Variants in TRAPPC12 observed in about 807,000 individuals in gnomAD.
The protein encoded by TRAPPC12 is TPR repeat protein 15.
A neutral mutation model predicts 69.2 loss-of-function variants in TRAPPC12; 61 were observed. The observed-to-expected ratio is 0.88, with a 90% CI of 0.72 to 1.09. TRAPPC12 has a LOEUF of 1.09. TRAPPC12 is among the 50% of genes least tolerant of loss of function. The pLI, the probability that TRAPPC12 is intolerant of heterozygous loss-of-function variation, is 0.00. For synonymous variants in TRAPPC12, 469 were observed against 438.9 expected (o/e 1.07, Z -0.86); for missense variants, 1,101 against 1,016.4 (o/e 1.08, Z -1.13).
At chr2:3,435,316 GT>G (rs753179934) in intron 5 of TRAPPC12, among the ~76,000 whole-genome samples, 1 of 152,174 alleles carries the variant, frequency 6.6e-6, no homozygotes, top group Non-Finnish European at 1.5e-5. Flanking sequence ...GCCCAGCTGA[GT>G]TACTGTTAAC....
At chr2:3,451,359 G>A (rs949446532) in intron 6 of TRAPPC12, among the ~76,000 whole-genome samples, 5 of 152,182 alleles carry the variant, frequency 3.3e-5, no homozygotes, top group African/African-American at 1.2e-4. Context: ...AGCAGTCTGA[G>A]TCTGGAATCG....
intron 9 of TRAPPC12, among the ~76,000 whole-genome samples, chr2:3,468,690 AC>A (rs1294334012): frequency 6.6e-6 from 1 of 152,028 alleles, no homozygotes; most frequent in Non-Finnish European, 1.5e-5. Context: ...CGGGGCAGCC[AC>A]CCCATAGAGT....
intron 7 of TRAPPC12, among the ~76,000 whole-genome samples, chr2:3,459,759 G>A (rs530525753): frequency 3.7e-4 from 56 of 152,344 alleles, no homozygotes; most frequent in African/African-American, 1.3e-3. Context: ...ACTCCTTGGG[G>A]GAACCGGCGT....
intron 8 of TRAPPC12, among the ~76,000 whole-genome samples, chr2:3,462,516 A>G (rs533017271): frequency 3.1e-4 from 47 of 152,352 alleles, no homozygotes; most frequent in African/African-American, 1.1e-3. Flanking sequence ...TGGGCTAACA[A>G]TGAGTTATTT....
intron 5 of TRAPPC12, among the ~76,000 whole-genome samples, chr2:3,428,512 T>C (rs1157786304): frequency 6.6e-6 from 1 of 152,246 alleles, no homozygotes; most frequent in Non-Finnish European, 1.5e-5. Flanking sequence ...CATGTAAATA[T>C]TGGGCGTAAT....
chr2:3,449,497 A>C (rs1558392068), intron 6 of TRAPPC12: 1 of 152,170 alleles, frequency 6.6e-6, no homozygotes, highest in East Asian at 1.9e-4. Context: ...ATTTTCGTGC[A>C]CTCCGGAAAA....
At chr2:3,435,432 G>A (rs902416712) in intron 5 of TRAPPC12, among the ~76,000 whole-genome samples, 1 of 152,106 alleles carries the variant, frequency 6.6e-6, no homozygotes, top group Non-Finnish European at 1.5e-5. Context: ...CTACATTAGC[G>A]CTAGTTTTAA....
At chr2:3,417,327 C>T (rs1662472428) in intron 3 of TRAPPC12, among the ~76,000 whole-genome samples, 1 of 152,048 alleles carries the variant, frequency 6.6e-6, no homozygotes, top group Non-Finnish European at 1.5e-5. Flanking sequence ...AGCCACGGCT[C>T]CCCCCACCGC....
In TRAPPC12 at chr2:3,446,249, T is replaced by C. The variant is rs556654915; in HGVS notation, c.1530+2358T>C. Among the ~76,000 whole-genome samples the C allele has an allele frequency of 1.6e-3, 238 of 152,330 alleles. 1 individual carries two copies. Among genetic ancestry groups the C allele is most frequent in the South Asian group, 2.7e-3 (13 of 4,824 alleles). ...TCCAAATCTAAGCCAACACTCCTTA[T>C]GGTACTTAAATGAGGAAATCGCAAT... On this transcript the variant is annotated intron_variant, in intron 6 of 11. Coordinates refer to ENST00000324266, the MANE Select transcript of TRAPPC12 (RefSeq NM_016030.6).
intron 6 of TRAPPC12, among the ~76,000 whole-genome samples, chr2:3,447,284 GAC>G (rs2103108867): frequency 6.6e-6 from 1 of 152,264 alleles, no homozygotes; most frequent in East Asian, 1.9e-4. Context: ...TTTTAGTAGA[GAC>G]AGGGCTTCAC....
chr2:3,476,432 C>T (rs1023127035), intron 9 of TRAPPC12, among the ~76,000 whole-genome samples: 2 of 152,212 alleles, frequency 1.3e-5, no homozygotes, highest in Non-Finnish European at 2.9e-5. Flanking sequence ...CTCATGAGGC[C>T]TGCAGTGGGC....
Position 3,379,839 on chromosome 2 carries a change from G to A in TRAPPC12, c.-42G>A, listed in dbSNP as rs1434661144. ...CTCACGGACCTTGGTCACGGCCGCA[G>A]GTGACCCCTTAGCCCAGCTCCAGTG... On this transcript the variant is annotated 5_prime_UTR_variant, in exon 1 of 12. Transcript: ENST00000324266. 1 of 152,608 alleles carries A rather than the reference G, an allele frequency of 6.6e-6. No individual in the cohort carries two copies. The highest frequency in any genetic ancestry group is 1.9e-4 in the East Asian group (1 of 5,190). 9.5% of individuals were successfully genotyped at this position (152,608 alleles called of 1,614,324 possible).
At chr2:3,453,292 CA>C (rs1486099589) in intron 6 of TRAPPC12, among the ~76,000 whole-genome samples, 6 of 152,240 alleles carry the variant, frequency 3.9e-5, no homozygotes, top group African/African-American at 1.4e-4. Context: ...CCTGACCAGA[CA>C]GCTCCATGGA....
At chr2:3,447,378 A>G (rs1243606836) in intron 6 of TRAPPC12, among the ~76,000 whole-genome samples, 1 of 152,206 alleles carries the variant, frequency 6.6e-6, no homozygotes, top group African/African-American at 2.4e-5. Flanking sequence ...GATTACAGGC[A>G]TGAGCCACTG....
chr2:3,432,388 T>C (rs1316509661), intron 5 of TRAPPC12, among the ~76,000 whole-genome samples: 1 of 152,230 alleles, frequency 6.6e-6, no homozygotes, highest in Non-Finnish European at 1.5e-5. Context: ...CACTGGATCT[T>C]TCTTCCTTTT....
At chr2:3,443,964 G>C in intron 6 of TRAPPC12, 73 bp downstream of exon 6, 2 of 1,182,074 alleles carry the variant, frequency 1.7e-6, no homozygotes, top group Non-Finnish European at 1.2e-6. Flanking sequence ...GGACATGCCC[G>C]TGCTGTTCCC....
In TRAPPC12 at chr2:3,465,598, ATTATGTGCTGGCCGTGG is replaced by A. The variant is rs1380655726; in HGVS notation, c.1680_1696del (p.Asp560GlufsTer35). ...TACGTTGGGTTTTTCTTCCCACAGG[ATTATGTGCTGGCCGTGG>A]AGGCGTATCATTCGGTTATCAAGTA... On this transcript the variant is annotated frameshift_variant and splice_region_variant, in exon 9 of 12. Coordinates refer to ENST00000324266, the MANE Select transcript of TRAPPC12 (RefSeq NM_016030.6). LOFTEE classifies it high-confidence loss of function. The A allele has an allele frequency of 6.2e-7, 1 of 1,612,852 alleles. No individual in the cohort carries two copies. Among genetic ancestry groups the A allele is most frequent in the Non-Finnish European group, 8.5e-7 (1 of 1,178,848 alleles).
In TRAPPC12 at chr2:3,452,664, C is replaced by T. The variant is rs112830474; in HGVS notation, c.1531-4957C>T. Among the ~76,000 whole-genome samples the T allele has an allele frequency of 3.4e-3, 515 of 152,342 alleles. 9 individuals carry two copies. The highest frequency in any genetic ancestry group is 0.012 in the African/African-American group (498 of 41,584). On this transcript the variant is annotated intron_variant, in intron 6 of 11. Coordinates refer to ENST00000324266, the MANE Select transcript of TRAPPC12 (RefSeq NM_016030.6). ...CAACCTCCAGGCACCTTGAAACTGC[C>T]CAGCAGCCAAACCTCAGAGCTGTGG... is the stretch of plus-strand genomic sequence containing the variant.
At chr2:3,463,819 A>G (rs905206782) in intron 8 of TRAPPC12, among the ~76,000 whole-genome samples, 4 of 152,064 alleles carry the variant, frequency 2.6e-5, no homozygotes, top group Admixed American at 1.3e-4. Context: ...ACTTGAAACC[A>G]AAGGTGGGAC....
Sources: gnomAD v4.1 joint callset for allele counts (sites outside exome capture counted in the v4.1 genomes callset) on GRCh38, gnomAD v4.1.1 for gene constraint, MANE v1.5 for transcripts, NCBI Gene and HGNC (gene_info 2026-07-23, HGNC 2026-07-21) for gene names.